Variants in CPPED1 observed in about 807,000 individuals in gnomAD.
CPPED1 encodes the protein serine/threonine-protein phosphatase CPPED1.
A neutral mutation model predicts 28.0 loss-of-function variants in CPPED1; 28 were observed. The observed-to-expected ratio is 1.00, with a 90% CI of 0.74 to 1.37. The LOEUF is 1.37. Ranked by LOEUF, CPPED1 falls within the 40% of genes most tolerant of loss-of-function variation. CPPED1 has a pLI of 0.00. For synonymous variants in CPPED1, 198 were observed against 180.2 expected (o/e 1.10, Z -0.79); for missense variants, 504 against 416.5 (o/e 1.21, Z -1.83).
At chr16:12,780,358 T>C (rs963309083) in intron 2 of CPPED1, among the ~76,000 whole-genome samples, 2 of 152,086 alleles carry the variant, frequency 1.3e-5, no homozygotes, top group Admixed American at 6.5e-5. Context: ...GTATTTTTAG[T>C]AGAGACGGGG....
chr16:12,664,329 A>G lies in CPPED1; in HGVS notation c.*557T>C. 1.0e-6 allele frequency: 1 copy of G among 975,708 alleles called. No homozygotes were observed. The highest frequency in any genetic ancestry group is 1.2e-6 in the Non-Finnish European group (1 of 820,626). 60.4% of individuals were successfully genotyped at this position (975,708 alleles called of 1,614,324 possible). ...ATCATCAGAAGTCTCAGAATTGAAC[A>G]GTAAATGGTGCCTACTTGGCTCCTT... On this transcript the variant is annotated 3_prime_UTR_variant, in exon 4 of 4. Transcript: ENST00000381774. The surrounding 1 kb of genome is among the most constrained non-coding windows in gnomAD (Gnocchi z 4.2).
In CPPED1 at chr16:12,682,446, T is replaced by C. The variant is rs982459566; in HGVS notation, c.716-17331A>G. On this transcript the variant is annotated intron_variant, in intron 3 of 3. Transcript: ENST00000381774. The surrounding 1 kb of genome is among the most constrained non-coding windows in gnomAD (Gnocchi z 6.1). ...AATATGCAAGAGGAGGGCTGTATTT[T>C]TTTAATACTAATATTTGGTTGTCAG... Among the ~76,000 whole-genome samples the C allele has an allele frequency of 2.0e-5, 3 of 152,324 alleles. No homozygotes were observed. In the East Asian group the frequency reaches 5.8e-4, roughly 29 times the overall value.
At chr16:12,772,844 T>C (rs1192981005) in intron 2 of CPPED1, among the ~76,000 whole-genome samples, 3 of 152,190 alleles carry the variant, frequency 2.0e-5, no homozygotes, top group Admixed American at 1.3e-4. Context: ...TTTCTAACTT[T>C]AGAATGGTAA....
intron 3 of CPPED1, among the ~76,000 whole-genome samples, chr16:12,691,837 T>C (rs1330410698): frequency 8.0e-6 from 1 of 125,374 alleles, no homozygotes; most frequent in Non-Finnish European, 1.6e-5. Flanking sequence ...GGGGGAGGGA[T>C]AGCATTAGGA....
At chr16:12,710,356 T>C (rs976628776) in intron 2 of CPPED1, among the ~76,000 whole-genome samples, 1 of 151,888 alleles carries the variant, frequency 6.6e-6, no homozygotes, top group African/African-American at 2.4e-5. Context: ...AGGCTGGTCA[T>C]GTTGTTTACT....
chr16:12,779,710 A>G (rs1319188452), intron 2 of CPPED1, among the ~76,000 whole-genome samples: 1 of 151,800 alleles, frequency 6.6e-6, no homozygotes, highest in African/African-American at 2.4e-5. Context: ...TTTGTTCTAG[A>G]TAAGTGGGCT....
chr16:12,722,364 A>C (rs2080146027), intron 2 of CPPED1, among the ~76,000 whole-genome samples: 2 of 152,270 alleles, frequency 1.3e-5, no homozygotes, highest in Non-Finnish European at 2.9e-5. Flanking sequence ...CAGCTGAGGC[A>C]GGCTGCAGGG....
chr16:12,709,854 T>TAGGCAGGC lies in CPPED1; in HGVS notation c.290-4813_290-4806dup, dbSNP rs746736725. Among the ~76,000 whole-genome samples the TAGGCAGGC allele has an allele frequency of 6.9e-6, 1 of 145,320 alleles. No individual in the cohort carries two copies. Among genetic ancestry groups the TAGGCAGGC allele is most frequent in the Non-Finnish European group, 1.5e-5 (1 of 66,908 alleles). On this transcript the variant is annotated intron_variant, in intron 2 of 3. Transcript: ENST00000381774. This position sits in a 1 kb window ranked among gnomAD's most constrained non-coding sequence, Gnocchi z 4.4. ...ATACTAGAAATCCTAGCCAGTGCAATAGGCAGGCAGGCAGGCAGTCAGGGA... is the reference window on the plus strand; with the variant it reads ...ATACTAGAAATCCTAGCCAGTGCAATAGGCAGGCAGGCAGGCAGGCAGGCAGTCAGGGA...
chr16:12,688,526 A>G (rs2079945503), intron 3 of CPPED1, among the ~76,000 whole-genome samples: 1 of 151,996 alleles, frequency 6.6e-6, no homozygotes, highest in African/African-American at 2.4e-5. Flanking sequence ...TTTAGTAGAG[A>G]TGGAGTTTTG....
chr16:12,738,873 T>G (rs945560845), intron 2 of CPPED1, among the ~76,000 whole-genome samples: 2 of 152,204 alleles, frequency 1.3e-5, no homozygotes, highest in African/African-American at 4.8e-5. Flanking sequence ...AAAACATGTT[T>G]AATGTAGCAG....
At chr16:12,748,870 G>T (rs189793802) in intron 2 of CPPED1, among the ~76,000 whole-genome samples, 12 of 126,682 alleles carry the variant, frequency 9.5e-5, no homozygotes, top group Admixed American at 2.9e-4. Context: ...ACAACAGAGC[G>T]AGACTCCATC....
intron 3 of CPPED1, among the ~76,000 whole-genome samples, chr16:12,681,315 AC>A (rs1253336534): frequency 6.6e-6 from 1 of 152,086 alleles, no homozygotes; most frequent in Non-Finnish European, 1.5e-5. Flanking sequence ...TGATTTTAAA[AC>A]AAGGATGAAT....
Position 12,663,231 on chromosome 16 carries a change from T to G in CPPED1, c.*1655A>C, listed in dbSNP as rs906924042. On this transcript the variant is annotated 3_prime_UTR_variant, in exon 4 of 4. Coordinates refer to ENST00000381774, the MANE Select transcript of CPPED1 (RefSeq NM_018340.3). Reference sequence around the variant, plus strand: ...GTGCACCAGCATGCCTGGCTAATTTTTGTATTTTTAGTAGAGATGGAGTTT... The same window carrying G: ...GTGCACCAGCATGCCTGGCTAATTTGTGTATTTTTAGTAGAGATGGAGTTT... 1 of 152,236 alleles carries G rather than the reference T, an allele frequency of 6.6e-6. No individual in the cohort carries two copies. The highest frequency in any genetic ancestry group is 1.5e-5 in the Non-Finnish European group (1 of 68,096). The allele number at this position is 152,236 out of a possible 1,614,324, so 9.4% of individuals were successfully genotyped here.
intron 2 of CPPED1, among the ~76,000 whole-genome samples, chr16:12,732,677 C>T (rs1040776008): frequency 1.3e-5 from 2 of 152,028 alleles, no homozygotes; most frequent in African/African-American, 4.8e-5. Flanking sequence ...GATCAACAAT[C>T]AAAATAAAAT....
At chr16:12,758,074 A>C (rs2080383336) in intron 2 of CPPED1, among the ~76,000 whole-genome samples, 1 of 152,042 alleles carries the variant, frequency 6.6e-6, no homozygotes, top group Non-Finnish European at 1.5e-5. Flanking sequence ...GCCCCTTTCT[A>C]TCTCCCATAC....
intron 3 of CPPED1, among the ~76,000 whole-genome samples, chr16:12,694,731 TGG>T (rs778479471): frequency 0.093 from 4,592 of 49,170 alleles, 176 homozygotes; most frequent in African/African-American, 0.13. Flanking sequence ...TAAAAAAAGG[TGG>T]GGGGGGGGGC....
rs531390345 is a variant in CPPED1, at chr16:12,718,310, G to A, written c.290-13261C>T. Among the ~76,000 whole-genome samples, 9 of 152,238 alleles carry A rather than the reference G, an allele frequency of 5.9e-5. No homozygotes were observed. The East Asian group carries it at 7.7e-4, about 13-fold the overall frequency. On this transcript the variant is annotated intron_variant, in intron 2 of 3. Transcript: ENST00000381774. Reference sequence around the variant, plus strand: ...TCCTAGCACTTTGGCAGGCCAAGGCGGGCGGATCATTTGAGGTCAGGAGTT... The same window carrying A: ...TCCTAGCACTTTGGCAGGCCAAGGCAGGCGGATCATTTGAGGTCAGGAGTT...
At chr16:12,726,317 G>A (rs542881472) in intron 2 of CPPED1, among the ~76,000 whole-genome samples, 2 of 147,546 alleles carry the variant, frequency 1.4e-5, no homozygotes, top group South Asian at 4.3e-4. Context: ...TGGGATAACA[G>A]GTGTGAGCCA....
intron 1 of CPPED1, among the ~76,000 whole-genome samples, chr16:12,787,405 C>CT (rs57802112): frequency 0.11 from 15,597 of 140,234 alleles, 1,052 homozygotes; most frequent in East Asian, 0.19. Context: ...ATTTTTCTTT[C>CT]TTTTTTTTTT....
Sources: allele counts gnomAD v4.1 joint callset (sites outside exome capture counted in the v4.1 genomes callset), GRCh38; gene constraint gnomAD v4.1.1; non-coding constraint Gnocchi (gnomAD v3.1); transcripts MANE v1.5; gene names NCBI Gene and HGNC (gene_info 2026-07-23, HGNC 2026-07-21).